Variants in PICALM observed in about 807,000 individuals in gnomAD.
The protein encoded by PICALM is phosphatidylinositol binding clathrin assembly protein.
In PICALM, 40 loss-of-function variants were observed where a neutral mutation model predicts 80.5. That is an observed-to-expected ratio of 0.50 (90% confidence interval 0.39 to 0.65). The LOEUF is 0.65. Among genes scored for constraint, PICALM ranks in the 30% least tolerant of loss-of-function variants. The probability of loss-of-function intolerance (pLI) is 0.00; values close to 1 mark genes in which losing one functional copy is unlikely to be tolerated. For missense variants in PICALM, 676 were observed against 778.9 expected, an observed-to-expected ratio of 0.87 and a Z score of 1.57; for synonymous variants, 288 against 260.3, an observed-to-expected ratio of 1.11 and a Z score of -1.02.
At chr11:85,994,603 T>C (rs1288411226) in intron 12 of PICALM, among the ~76,000 whole-genome samples, 2 of 152,260 alleles carry the variant, frequency 1.3e-5, no homozygotes, top group African/African-American at 2.4e-5. Context: ...CTTTGTCATA[T>C]ACTATAACAG....
chr11:86,022,508 G>A (rs773220359), intron 3 of PICALM, 39 bp from the exon 4 acceptor site: 1 of 1,111,962 alleles, frequency 9.0e-7, no homozygotes, highest in Non-Finnish European at 1.3e-6. Flanking sequence ...CAAAGAGAGA[G>A]ACAAGTTTTT....
rs567018978 is a variant in PICALM at position 86,046,223 on chromosome 11, A to G, written c.131-14612T>C. ...GCTCTAGACTCTCTGGCTTCCATGC[A>G]TGGTCCCATCCATTTCCATGTGCTA... On this transcript the variant is annotated intron_variant, in intron 1 of 19. Transcript: ENST00000393346. Among the ~76,000 whole-genome samples, 4 of 152,296 alleles carry G rather than the reference A, an allele frequency of 2.6e-5. No homozygotes were observed. In the South Asian group the frequency reaches 8.3e-4, roughly 32 times the overall value.
intron 12 of PICALM, among the ~76,000 whole-genome samples, chr11:85,996,530 G>T (rs1186012995): frequency 6.6e-6 from 1 of 151,606 alleles, no homozygotes; most frequent in African/African-American, 2.4e-5. Flanking sequence ...TCTGGTTATG[G>T]AATAAAAATT....
At chr11:86,054,022 A>C (rs1425072162) in intron 1 of PICALM, among the ~76,000 whole-genome samples, 2 of 152,240 alleles carry the variant, frequency 1.3e-5, no homozygotes, top group Non-Finnish European at 2.9e-5. Flanking sequence ...TTATTTATTC[A>C]TACTATCACC....
intron 12 of PICALM, among the ~76,000 whole-genome samples, chr11:85,995,123 G>C (rs2094917608): frequency 1.3e-5 from 2 of 152,054 alleles, no homozygotes; most frequent in Admixed American, 1.3e-4. Flanking sequence ...ACTTGAATTA[G>C]AACTTTCTTG....
At chr11:85,978,261 C>T (rs1046440152) in intron 17 of PICALM, 70 of 581,778 alleles carry the variant, frequency 1.2e-4, no homozygotes, top group Non-Finnish European at 2.0e-4. Flanking sequence ...TATACTAAAA[C>T]ACTATCAAGG....
At chr11:85,979,921 CAGG>C (rs1246126532) in intron 17 of PICALM, among the ~76,000 whole-genome samples, 4 of 152,128 alleles carry the variant, frequency 2.6e-5, no homozygotes, top group African/African-American at 4.8e-5. Context: ...TGGCCAAGGA[CAGG>C]AGAATAGCCA....
At position 86,063,527 on chromosome 11, in the gene PICALM, T is replaced by C. The variant is rs529506615; in HGVS notation, c.130+5124A>G. Reference sequence around the variant, plus strand: ...TTGAATATTAAGTTCTCTTTAGAGTTCCTCTTTTAAAACACATACTGTTCA... The same window carrying C: ...TTGAATATTAAGTTCTCTTTAGAGTCCCTCTTTTAAAACACATACTGTTCA... On this transcript the variant is annotated intron_variant, in intron 1 of 19. Coordinates refer to ENST00000393346, the MANE Select transcript of PICALM (RefSeq NM_007166.4). Among the ~76,000 whole-genome samples the C allele has an allele frequency of 1.2e-4, 18 of 152,286 alleles. No individual in the cohort carries two copies. The South Asian group carries it at 3.7e-3, about 32-fold the overall frequency.
chr11:86,060,334 C>T (rs2096339713), intron 1 of PICALM, among the ~76,000 whole-genome samples: 1 of 152,134 alleles, frequency 6.6e-6, no homozygotes, highest in South Asian at 2.1e-4. Context: ...AACATTAATT[C>T]ATTTGAAAAA....
At chr11:86,039,991 A>G (rs2137020257) in intron 1 of PICALM, among the ~76,000 whole-genome samples, 1 of 139,916 alleles carries the variant, frequency 7.1e-6, no homozygotes, top group Non-Finnish European at 1.5e-5. Context: ...GCGACAGAGC[A>G]TGACGCCGTC....
chr11:86,031,448 T>A, intron 2 of PICALM, 21 bp downstream of exon 2: 1 of 1,594,508 alleles, frequency 6.3e-7, no homozygotes, highest in Non-Finnish European at 8.6e-7. Flanking sequence ...AGTATACTTG[T>A]TCAATAAAAA....
intron 1 of PICALM, among the ~76,000 whole-genome samples, chr11:86,053,213 G>A (rs191365718): frequency 2.6e-5 from 4 of 152,314 alleles, no homozygotes; most frequent in African/African-American, 7.2e-5. Context: ...GCAGGGAACT[G>A]CACCTCAGTA....
intron 12 of PICALM, among the ~76,000 whole-genome samples, chr11:85,992,766 C>T (rs2094827382): frequency 6.6e-6 from 1 of 152,148 alleles, no homozygotes; most frequent in Non-Finnish European, 1.5e-5. Context: ...AACACATGTT[C>T]AGGAAAGGTT....
chr11:86,010,963 T>C, intron 7 of PICALM, 67 bp downstream of exon 7: 1 of 709,482 alleles, frequency 1.4e-6, no homozygotes, highest in East Asian at 2.6e-5. Context: ...TAGTGAGTGA[T>C]GACTTCAAAA....
intron 4 of PICALM, 35 bp downstream of exon 4, chr11:86,022,332 C>A: frequency 8.9e-7 from 1 of 1,124,184 alleles, no homozygotes; most frequent in South Asian, 1.3e-5. Context: ...TTTAAAAATT[C>A]AAATCAATTA....
At position 86,018,516 on chromosome 11, in the gene PICALM, C is replaced by T. The variant is rs528889001; in HGVS notation, c.453-3553G>A. On this transcript the variant is annotated intron_variant, in intron 4 of 19. Coordinates refer to ENST00000393346, the MANE Select transcript of PICALM (RefSeq NM_007166.4). ...ACCATACATAAAAGGATGGTCAATC[C>T]ACTGCTTTTATAAGATTAAAAAAAG... Among the ~76,000 whole-genome samples, 282 of 152,020 alleles carry T rather than the reference C, an allele frequency of 1.9e-3. 1 individual carries two copies. The highest frequency in any genetic ancestry group is 6.4e-3 in the African/African-American group (265 of 41,472).
At chr11:85,985,912 TTGATA>T (rs2094557908) in intron 13 of PICALM, among the ~76,000 whole-genome samples, 1 of 152,198 alleles carries the variant, frequency 6.6e-6, no homozygotes, top group African/African-American at 2.4e-5. Flanking sequence ...TAGAATATGA[TTGATA>T]TAAGAGATAA....
intron 19 of PICALM, among the ~76,000 whole-genome samples, chr11:85,968,658 T>A (rs1453910544): frequency 6.6e-6 from 1 of 152,170 alleles, no homozygotes; most frequent in Non-Finnish European, 1.5e-5. Flanking sequence ...AATGGACATT[T>A]CAATTTATGT....
intron 3 of PICALM, among the ~76,000 whole-genome samples, chr11:86,025,869 T>A (rs564293600): frequency 6.6e-6 from 1 of 152,196 alleles, no homozygotes; most frequent in African/African-American, 2.4e-5. Context: ...TTACATAGCA[T>A]GTCTTGTGTG....
Sources: allele counts gnomAD v4.1 joint callset (sites outside exome capture counted in the v4.1 genomes callset), GRCh38; gene constraint gnomAD v4.1.1; transcripts MANE v1.5; gene names NCBI Gene and HGNC (gene_info 2026-07-23, HGNC 2026-07-21).